The following EPB41L4B variants were observed in gnomAD, a reference collection of about 807,000 sequenced individuals.
EPB41L4B encodes the protein band 4.1-like protein 4B.
In EPB41L4B, 30 loss-of-function variants were observed where a neutral mutation model predicts 112.5. The ratio of observed to expected loss-of-function variants is 0.27; its 90% confidence interval spans 0.20 to 0.36. The LOEUF is 0.36. EPB41L4B is among the 10% of genes least tolerant of loss of function. The pLI is 1.00. For synonymous variants in EPB41L4B, 408 were observed against 439.7 expected (o/e 0.93, Z 0.90); for missense variants, 1,024 against 1,133.3 (o/e 0.90, Z 1.38).
At chr9:109,317,005 T>G (rs573987576) in intron 1 of EPB41L4B, among the ~76,000 whole-genome samples, 7 of 152,122 alleles carry the variant, frequency 4.6e-5, no homozygotes, top group Admixed American at 4.6e-4. Context: ...CTAGAGAGGC[T>G]GAGGTGGGAG....
intron 15 of EPB41L4B, among the ~76,000 whole-genome samples, chr9:109,242,053 G>C (rs1230599842): frequency 6.6e-6 from 1 of 152,200 alleles, no homozygotes; most frequent in Non-Finnish European, 1.5e-5. Flanking sequence ...TTCTCAAAGG[G>C]TGTCTCATGG....
At chr9:109,228,461 G>A (rs1015784668) in intron 15 of EPB41L4B, among the ~76,000 whole-genome samples, 2 of 152,144 alleles carry the variant, frequency 1.3e-5, no homozygotes, top group Admixed American at 6.5e-5. Context: ...AATGACAAGT[G>A]CAAATTTTCT....
Position 109,173,121 on chromosome 9 carries a change from C to G in EPB41L4B, c.*1433G>C, listed in dbSNP as rs1831689188. ...AGAACAACTATACATACCTATTAAA[C>G]TAGCAAAAATAAATAAAAATGGCAA... On this transcript the variant is annotated 3_prime_UTR_variant, in exon 26 of 26. Coordinates refer to ENST00000374566, the MANE Select transcript of EPB41L4B (RefSeq NM_019114.5). 1 of 152,578 alleles carries G rather than the reference C, an allele frequency of 6.6e-6. No individual in the cohort carries two copies. Among genetic ancestry groups the G allele is most frequent in the Non-Finnish European group, 1.5e-5 (1 of 68,036 alleles). 9.5% of individuals were successfully genotyped at this position (152,578 alleles called of 1,614,324 possible).
intron 15 of EPB41L4B, among the ~76,000 whole-genome samples, chr9:109,227,873 C>G (rs571091873): frequency 6.6e-6 from 1 of 152,292 alleles, no homozygotes; most frequent in East Asian, 1.9e-4. Context: ...AGCCACAACG[C>G]CTGGCCCCTA....
intron 1 of EPB41L4B, among the ~76,000 whole-genome samples, chr9:109,297,588 G>A (rs1212320470): frequency 6.6e-6 from 1 of 152,236 alleles, no homozygotes; most frequent in Non-Finnish European, 1.5e-5. Context: ...CACCGGCAAA[G>A]CCAGGGCCTC....
intron 1 of EPB41L4B, among the ~76,000 whole-genome samples, chr9:109,319,267 C>G (rs1279423797): frequency 6.6e-6 from 1 of 152,204 alleles, no homozygotes; most frequent in Non-Finnish European, 1.5e-5. Flanking sequence ...CGGCCCAGCT[C>G]TCAGCTGGCG....
At chr9:109,200,781 T>A (rs7026301) in intron 19 of EPB41L4B, among the ~76,000 whole-genome samples, 63,593 of 150,930 alleles carry the variant, frequency 0.42, 13,406 homozygotes, top group East Asian at 0.5. Flanking sequence ...ATTTTTTTTT[T>A]AAAAAAAGAT....
At chr9:109,189,430 GA>G (rs1832382190) in intron 22 of EPB41L4B, among the ~76,000 whole-genome samples, 1 of 152,148 alleles carries the variant, frequency 6.6e-6, no homozygotes. Context: ...AAGGCAAAAA[GA>G]GATCAAGATG....
Position 109,320,260 on chromosome 9 carries a change from C to T in EPB41L4B, c.187G>A (p.Gly63Ser), listed in dbSNP as rs375443441. ...GCGCCGCCGGTGAGCAGGGGCCCGC[C>T]GCCCGCCGGGAACACGCTGCCCCCG... ...APGGSVFPAG[G>S]GPLLTGGAAV... Residue 63 changes from glycine to serine, a missense_variant, in exon 1 of 26, where the codon GGC becomes AGC. Coordinates refer to ENST00000374566, the MANE Select transcript of EPB41L4B (RefSeq NM_019114.5). The T allele has an allele frequency of 8.2e-6, 10 of 1,213,102 alleles. No homozygotes were observed. In the African/African-American group the frequency reaches 1.3e-4, roughly 15 times the overall value. 75.1% of individuals were successfully genotyped at this position (1,213,102 alleles called of 1,614,324 possible).
At chr9:109,286,080 C>T (rs1836265082) in intron 1 of EPB41L4B, among the ~76,000 whole-genome samples, 1 of 150,966 alleles carries the variant, frequency 6.6e-6, no homozygotes. Context: ...CCTCCATCCC[C>T]AAAGCACAGT....
At chr9:109,301,206 G>A (rs1836953825) in intron 1 of EPB41L4B, 1 of 152,168 alleles carries the variant, frequency 6.6e-6, no homozygotes, top group Non-Finnish European at 1.5e-5. Flanking sequence ...TTCTCAGAAG[G>A]AGGAATCAAC....
rs189707013 is a variant in EPB41L4B, at chr9:109,247,111, C to T, written c.1344+645G>A. 4.6e-5 allele frequency among the ~76,000 whole-genome samples: 7 copies of T among 151,152 alleles called. No homozygotes were observed. In the East Asian group the frequency reaches 1.2e-3, roughly 25 times the overall value. ...AATTCCTGGGCTCAAGTGATCCTCT[C>T]GCCTTAGCTCCCCCAAATAGCTGGC... On this transcript the variant is annotated intron_variant, in intron 14 of 25. Coordinates refer to ENST00000374566, the MANE Select transcript of EPB41L4B (RefSeq NM_019114.5).
chr9:109,297,017 G>A (rs550409616), intron 1 of EPB41L4B, among the ~76,000 whole-genome samples: 1 of 152,222 alleles, frequency 6.6e-6, no homozygotes, highest in East Asian at 1.9e-4. Context: ...GATTGTGTTT[G>A]GAGACAGGGC....
intron 17 of EPB41L4B, among the ~76,000 whole-genome samples, chr9:109,209,471 G>A (rs999873979): frequency 6.6e-6 from 1 of 151,824 alleles, no homozygotes; most frequent in African/African-American, 2.4e-5. Context: ...GACCAGCCTG[G>A]GAAACACAGC....
chr9:109,241,359 T>A, intron 15 of EPB41L4B: 1 of 1,091,006 alleles, frequency 9.2e-7, no homozygotes, highest in Non-Finnish European at 1.1e-6. Context: ...ATTAATTAAA[T>A]AACAAAGAAC....
chr9:109,184,771 T>C (rs1329098468), intron 23 of EPB41L4B, among the ~76,000 whole-genome samples: 3 of 152,206 alleles, frequency 2.0e-5, no homozygotes, highest in Admixed American at 1.3e-4. Context: ...AAATTCCTGA[T>C]GCAAAAAGCT....
chr9:109,176,320 T>C (rs1049177432), intron 25 of EPB41L4B, among the ~76,000 whole-genome samples: 2 of 152,164 alleles, frequency 1.3e-5, no homozygotes, highest in Non-Finnish European at 2.9e-5. Flanking sequence ...GGTTTCACCA[T>C]GTTAGCCAGG....
chr9:109,283,376 C>T (rs1456322739), intron 1 of EPB41L4B, among the ~76,000 whole-genome samples: 1 of 152,174 alleles, frequency 6.6e-6, no homozygotes, highest in Non-Finnish European at 1.5e-5. Context: ...AAAACTGCAT[C>T]ATGGGATTAC....
rs750070244 is a variant in EPB41L4B at position 109,176,604 on chromosome 9, G to A, written c.2580C>T (p.Val860=). 1 of 1,614,122 alleles carries A rather than the reference G, an allele frequency of 6.2e-7. No individual in the cohort carries two copies. The highest frequency in any genetic ancestry group is 1.1e-5 in the South Asian group (1 of 91,062). The part of the protein sequence containing the change: ...AATLRPLTET[V]STVQTIYTTR... Reference sequence around the variant, plus strand: ...TGGTGTAAATGGTCTGCACTGTGGAGACGGTCTCTGTCAAAGGCCTCAGGG... The same window carrying A: ...TGGTGTAAATGGTCTGCACTGTGGAAACGGTCTCTGTCAAAGGCCTCAGGG... Residue 860 remains valine (V), a synonymous_variant, in exon 25 of 26, where the codon GTC becomes GTT. Coordinates refer to ENST00000374566, the MANE Select transcript of EPB41L4B (RefSeq NM_019114.5).
Sources: allele counts gnomAD v4.1 joint callset (sites outside exome capture counted in the v4.1 genomes callset), GRCh38; gene constraint gnomAD v4.1.1; transcripts MANE v1.5; gene names NCBI Gene and HGNC (gene_info 2026-07-23, HGNC 2026-07-21).